Variants in URB1 observed in about 807,000 individuals in gnomAD.
URB1 encodes the protein nucleolar pre-ribosomal-associated protein 1.
URB1 carries 197 observed loss-of-function variants against 242.3 expected under a neutral mutation model. The ratio of observed to expected loss-of-function variants is 0.81; its 90% CI spans 0.72 to 0.91. The LOEUF is 0.91. Among genes scored for constraint, URB1 ranks in the 40% least tolerant of loss-of-function variants. The pLI, the probability that URB1 is intolerant of heterozygous loss-of-function variation, is 0.00. For missense variants in URB1, 2,721 were observed against 2,860.5 expected, an observed-to-expected ratio of 0.95 and a Z score of 1.11; for synonymous variants, 1,153 against 1,201.8, an observed-to-expected ratio of 0.96 and a Z score of 0.84.
At chr21:32,320,156 T>G (rs1276694644) in intron 35 of URB1, among the ~76,000 whole-genome samples, 1 of 152,228 alleles carries the variant, frequency 6.6e-6, no homozygotes, top group Admixed American at 6.5e-5. Flanking sequence ...GGGCTGCAGC[T>G]GCTAAAGCCT....
At chr21:32,367,786 AAG>A (rs1601149848) in intron 9 of URB1, among the ~76,000 whole-genome samples, 2 of 152,332 alleles carry the variant, frequency 1.3e-5, no homozygotes, top group East Asian at 3.9e-4. Flanking sequence ...CCAGATGGAG[AAG>A]AGATAATCGG....
chr21:32,359,469 AGG>A (rs1456317986), intron 14 of URB1, among the ~76,000 whole-genome samples: 2 of 152,240 alleles, frequency 1.3e-5, no homozygotes, highest in Non-Finnish European at 2.9e-5. Flanking sequence ...ACAAAAGAAA[AGG>A]AATGTATTTT....
intron 25 of URB1, among the ~76,000 whole-genome samples, chr21:32,339,924 C>A (rs1014364882): frequency 2.0e-5 from 3 of 152,192 alleles, no homozygotes; most frequent in African/African-American, 7.2e-5. Context: ...GCCCGGCCTC[C>A]CTCCTTCCTC....
chr21:32,344,258 C>A (rs918922045), intron 24 of URB1, among the ~76,000 whole-genome samples: 2 of 152,146 alleles, frequency 1.3e-5, no homozygotes, highest in African/African-American at 4.8e-5. Context: ...GTTTAACATT[C>A]AAAAATTTGT....
At position 32,347,564 on chromosome 21, in the gene URB1, A is replaced by G; in HGVS notation, c.3260T>C (p.Leu1087Pro). ...EAITQSVLKE[L>P]QNRRAGPATS... The stretch of plus-strand genomic sequence containing the variant: ...GGCCGGGCCCGCCCTCCTGTTCTGA[A>G]GTTCCTTCAGCACACTCTGGGTGAT... The change falls in exon 22 of 39, where the codon CTT (leucine) becomes CCT (proline). Residue 1087 changes from leucine to proline, a missense_variant. Physicochemically the swap from Leu to Pro is moderately conservative, Grantham distance 98. Transcript: ENST00000382751. The G allele has an allele frequency of 1.3e-6, 2 of 1,551,328 alleles. No homozygotes were observed. The highest frequency in any genetic ancestry group is 2.7e-5 in the African/African-American group (2 of 73,172).
chr21:32,339,258 T>C (rs888417118), intron 25 of URB1, among the ~76,000 whole-genome samples: 3 of 152,216 alleles, frequency 2.0e-5, no homozygotes, highest in African/African-American at 7.2e-5. Flanking sequence ...CCTCCCAAAG[T>C]GCAGGGATTA....
intron 8 of URB1, 103 bp from the exon 9 acceptor site, chr21:32,368,701 C>A (rs1220221552): frequency 9.2e-6 from 9 of 977,638 alleles, no homozygotes; most frequent in Non-Finnish European, 1.3e-5. Flanking sequence ...TCAGTGAACA[C>A]AGCAATAACA....
At chr21:32,387,854 G>A (rs1458120316) in intron 1 of URB1, among the ~76,000 whole-genome samples, 1 of 152,162 alleles carries the variant, frequency 6.6e-6, no homozygotes, top group African/African-American at 2.4e-5. Context: ...CATCACCCTA[G>A]TCAGCACCTC....
chr21:32,376,638 C>A lies in URB1; in HGVS notation c.665-1155G>T, dbSNP rs376603939. Among the ~76,000 whole-genome samples the A allele has an allele frequency of 1.8e-4, 28 of 152,030 alleles. No individual in the cohort carries two copies. The East Asian group carries it at 5.0e-3, about 27-fold the overall frequency. Reference sequence around the variant, plus strand: ...AAAACTTTGAAATCATTAAGTGCAGCATGTTTTTTTTCTTTTTGAGACAGG... The same window carrying A: ...AAAACTTTGAAATCATTAAGTGCAGAATGTTTTTTTTCTTTTTGAGACAGG... On this transcript the variant is annotated intron_variant, in intron 5 of 38. Coordinates refer to ENST00000382751, the MANE Select transcript of URB1 (RefSeq NM_014825.3).
intron 38 of URB1, among the ~76,000 whole-genome samples, chr21:32,315,841 T>C (rs2032673951): frequency 6.6e-6 from 1 of 152,166 alleles, no homozygotes; most frequent in South Asian, 2.1e-4. Context: ...CAGGTGAGCC[T>C]ACCCGATAGG....
intron 14 of URB1, among the ~76,000 whole-genome samples, chr21:32,358,441 T>A (rs2033248572): frequency 6.6e-6 from 1 of 152,180 alleles, no homozygotes; most frequent in South Asian, 2.1e-4. Flanking sequence ...TGCTTATGCA[T>A]AATTTATCCT....
At chr21:32,339,230 G>C (rs1381265672) in intron 25 of URB1, among the ~76,000 whole-genome samples, 2 of 152,186 alleles carry the variant, frequency 1.3e-5, no homozygotes, top group Non-Finnish European at 2.9e-5. Flanking sequence ...CTGACCTCAG[G>C]TGAGCTGCCC....
chr21:32,313,856 T>G lies in URB1; in HGVS notation c.*1062A>C, dbSNP rs117717267. Reference sequence around the variant, plus strand: ...GTCAGCTACAACCCCAACTAATATATGACCATTAAGAGTAAAATTCTGACC... The same window carrying G: ...GTCAGCTACAACCCCAACTAATATAGGACCATTAAGAGTAAAATTCTGACC... On this transcript the variant is annotated 3_prime_UTR_variant, in exon 39 of 39. Transcript: ENST00000382751. The G allele has an allele frequency of 6.6e-6, 1 of 152,188 alleles. No homozygotes were observed. Among genetic ancestry groups the G allele is most frequent in the Non-Finnish European group, 1.5e-5 (1 of 68,046 alleles). The allele number at this position is 152,188 out of a possible 1,614,324, so 9.4% of individuals were successfully genotyped here. A position where few individuals can be genotyped will look rare whatever the true frequency, so the allele number is the denominator to read the frequency against.
intron 4 of URB1, among the ~76,000 whole-genome samples, chr21:32,379,695 G>A (rs1040208336): frequency 1.3e-5 from 2 of 152,076 alleles, no homozygotes; most frequent in African/African-American, 4.8e-5. Flanking sequence ...GAAAACTGAG[G>A]GTTCAAAAAT....
intron 6 of URB1, 33 bp from the exon 7 acceptor site, chr21:32,373,805 C>A (rs1409609109): frequency 3.4e-6 from 5 of 1,465,988 alleles, no homozygotes; most frequent in East Asian, 2.6e-5. Context: ...TATTAAAAAA[C>A]AAATTATGAA....
At chr21:32,367,864 G>C (rs1348165238) in intron 9 of URB1, among the ~76,000 whole-genome samples, 2 of 152,156 alleles carry the variant, frequency 1.3e-5, no homozygotes, top group East Asian at 3.8e-4. Context: ...GCAAAATCTT[G>C]ATGAACAGGA....
chr21:32,347,235 C>T lies in URB1; in HGVS notation c.3589G>A (p.Asp1197Asn), dbSNP rs1043067911. 2 of 1,550,628 alleles carry T rather than the reference C, an allele frequency of 1.3e-6. No individual in the cohort carries two copies. Among genetic ancestry groups the T allele is most frequent in the African/African-American group, 1.4e-5 (1 of 73,052 alleles). Residue 1197 changes from aspartate (D) to asparagine (N), a missense_variant, in exon 22 of 39, where the codon GAC (aspartate) becomes AAC (asparagine). Transcript: ENST00000382751. ...LLPTLAVDEL[D>N]TVLLHTLQRD... is the part of the protein sequence containing the mutation. ...TGCAGAGTGTGGAGGAGCACTGTGT[C>T]CAGCTCGTCCACTGCTAGCGTGGGC...
rs74891834 is a variant in URB1 at position 32,360,962 on chromosome 21, T to C, written c.1756+45A>G. ...GGCTGCAGGGCTCTGCTCTGGTTTA[T>C]TGGCAGCAACAGTGGCGGCTTGTCT... On this transcript the variant is annotated intron_variant, in intron 13 of 38. Transcript: ENST00000382751. The C allele has an allele frequency of 1.3e-3, 1,858 of 1,403,828 alleles. 20 individuals are homozygous for C. In the African/African-American group the frequency reaches 0.024, roughly 18 times the overall value. 87.0% of individuals were successfully genotyped at this position (1,403,828 alleles called of 1,614,324 possible). A position where few individuals can be genotyped will look rare whatever the true frequency, so the allele number is the denominator to read the frequency against.
Position 32,319,330 on chromosome 21 carries a change from C to T in URB1, c.5679G>A (p.Glu1893=). 1.3e-6 allele frequency: 2 copies of T among 1,551,342 alleles called. No individual in the cohort carries two copies. The highest frequency in any genetic ancestry group is 1.7e-6 in the Non-Finnish European group (2 of 1,146,814). Residue 1893 remains glutamate, a synonymous_variant, in exon 36 of 39, where the codon GAG becomes GAA. Coordinates refer to ENST00000382751, the MANE Select transcript of URB1 (RefSeq NM_014825.3). ...WVTNLGDKAV[E]WESQRLCQPS... Reference sequence around the variant, plus strand: ...GCTGGCAAAGGCGCTGGCTCTCCCACTCCACTGCCTTGTCCCCCAGGTTGG... The same window carrying T: ...GCTGGCAAAGGCGCTGGCTCTCCCATTCCACTGCCTTGTCCCCCAGGTTGG...
Sources: allele counts gnomAD v4.1 joint callset (sites outside exome capture counted in the v4.1 genomes callset), GRCh38; gene constraint gnomAD v4.1.1; transcripts MANE v1.5; gene names NCBI Gene and HGNC (gene_info 2026-07-23, HGNC 2026-07-21).